NRP1: variants seen among roughly 807,000 people sequenced by gnomAD.
NRP1 encodes the protein neuropilin-1.
NRP1 carries 35 observed loss-of-function variants against 106.7 expected under a neutral mutation model. That is an observed-to-expected ratio of 0.33 (90% confidence interval 0.25 to 0.43). The LOEUF (loss-of-function observed/expected upper bound fraction) is 0.43. NRP1 is among the 20% of genes least tolerant of loss of function. The pLI is 1.00. For synonymous variants in NRP1, 437 were observed against 417.9 expected (o/e 1.05, Z -0.56); for missense variants, 1,024 against 1,170.4 (o/e 0.87, Z 1.83).
Position 33,334,538 on chromosome 10 carries a change from T to C in NRP1, c.-156A>G. 1.6e-6 allele frequency: 1 copy of C among 613,858 alleles called. No homozygotes were observed. Among genetic ancestry groups the C allele is most frequent in the East Asian group, 3.2e-5 (1 of 30,790 alleles). 38.0% of individuals were successfully genotyped at this position (613,858 alleles called of 1,614,324 possible). A position where few individuals can be genotyped will look rare whatever the true frequency, so the allele number is the denominator to read the frequency against. ...TGGAGAAAAGAAAGCAGCGAGGCAA[T>C]GCCTGGATCCGAGAGGAACGCTTCT... On this transcript the variant is annotated 5_prime_UTR_variant, in exon 1 of 17. Transcript: ENST00000374867.
At chr10:33,233,679 TC>T (rs541048805) in intron 6 of NRP1, among the ~76,000 whole-genome samples, 41 of 152,052 alleles carry the variant, frequency 2.7e-4, no homozygotes, top group African/African-American at 9.4e-4. Flanking sequence ...CTTTTAACAC[TC>T]CCAAGGCAGG....
intron 4 of NRP1, 61 bp downstream of exon 4, chr10:33,263,585 A>T: frequency 3.1e-6 from 4 of 1,273,384 alleles, no homozygotes; most frequent in Non-Finnish European, 4.5e-6. Flanking sequence ...GACTTGTAAA[A>T]GAATACTGGT....
In NRP1 at chr10:33,186,302, T is replaced by G. The variant is rs374865894; in HGVS notation, c.2249A>C (p.Gln750Pro). 2 of 1,614,166 alleles carry G rather than the reference T, an allele frequency of 1.2e-6. No homozygotes were observed. Among genetic ancestry groups the G allele is most frequent in the Non-Finnish European group, 1.7e-6 (2 of 1,180,026 alleles). ...LRYQKPEEYD[Q>P]LVWMAIGHQG... ...GTGTCCAATGGCCATCCAGACCAGC[T>G]GATCGTACTCCTCTGGCTTCTGGTA... is the stretch of plus-strand genomic sequence containing the variant. The change falls in exon 14 of 17, where the codon CAG becomes CCG. Residue 750 changes from glutamine (Q) to proline (P), a missense_variant. Physicochemically the swap from Gln to Pro is moderately conservative, Grantham distance 76 (BLOSUM62 -1). Around this residue, in one of 5 missense-constraint regions of NRP1, gnomAD observed 562 missense variants for 620.3 expected, o/e 0.91. Transcript: ENST00000374867.
chr10:33,209,743 C>T (rs1246718982), intron 9 of NRP1, among the ~76,000 whole-genome samples: 1 of 152,242 alleles, frequency 6.6e-6, no homozygotes, highest in Admixed American at 6.5e-5. Context: ...TCCTGAAGTG[C>T]TGGGATTATA....
rs185180721 is a variant in NRP1, at chr10:33,240,070, G to C, written c.982-13781C>G. ...ACTTCAGGCCTTTTGCAATCTGTGC[G>C]TTTCTTTGTCTCATGGTCTCTGAGA... is the stretch of plus-strand genomic sequence containing the variant. On this transcript the variant is annotated intron_variant, in intron 6 of 16. Transcript: ENST00000374867. Among the ~76,000 whole-genome samples the C allele has an allele frequency of 1.1e-3, 162 of 152,256 alleles. 1 individual carries two copies. Among genetic ancestry groups the C allele is most frequent in the African/African-American group, 3.7e-3 (155 of 41,542 alleles).
chr10:33,202,580 GA>G (rs1564376034), intron 11 of NRP1: 2 of 879,904 alleles, frequency 2.3e-6, no homozygotes, highest in African/African-American at 1.8e-5. Flanking sequence ...GGGGGGGTCT[GA>G]AAATAATGAA....
intron 4 of NRP1, among the ~76,000 whole-genome samples, chr10:33,258,366 G>C (rs1295899780): frequency 1.3e-5 from 2 of 152,232 alleles, no homozygotes; most frequent in Admixed American, 1.3e-4. Context: ...ATAATTTTTC[G>C]ATGTGTTGAA....
chr10:33,224,692 A>G (rs1277391715), intron 7 of NRP1, among the ~76,000 whole-genome samples: 4 of 151,574 alleles, frequency 2.6e-5, no homozygotes, highest in African/African-American at 9.7e-5. Context: ...TCCATTAGCT[A>G]TTTTTCCTGA....
At chr10:33,261,582 A>G (rs1842577149) in intron 4 of NRP1, among the ~76,000 whole-genome samples, 1 of 152,162 alleles carries the variant, frequency 6.6e-6, no homozygotes, top group Admixed American at 6.5e-5. Flanking sequence ...AAGATATTAA[A>G]CTAATGTTAA....
At chr10:33,277,083 T>A (rs1352002837) in intron 2 of NRP1, among the ~76,000 whole-genome samples, 1 of 145,860 alleles carries the variant, frequency 6.9e-6, no homozygotes, top group African/African-American at 2.6e-5. Flanking sequence ...CCAGCCTGGG[T>A]AACAGATCAA....
Position 33,207,685 on chromosome 10 carries a change from G to A in NRP1, c.1646C>T (p.Pro549Leu). The change falls in exon 10 of 17, where the codon CCT becomes CTT. Residue 549 changes from proline (P) to leucine (L), a missense_variant. Transcript: ENST00000374867. Reference sequence around the variant, plus strand: ...GAGAGCTGGAAAAGTCCGCAGCTCAGGTGTATCATAGTTGTTGTTGCCCTC... The same window carrying A: ...GAGAGCTGGAAAAGTCCGCAGCTCAAGTGTATCATAGTTGTTGTTGCCCTC... The part of the protein sequence containing the change: ...SFEGNNNYDT[P>L]ELRTFPALST... 1 of 1,614,046 alleles carries A rather than the reference G, an allele frequency of 6.2e-7. No homozygotes were observed. Among genetic ancestry groups the A allele is most frequent in the Non-Finnish European group, 8.5e-7 (1 of 1,179,994 alleles).
intron 3 of NRP1, among the ~76,000 whole-genome samples, chr10:33,270,325 TA>T (rs1214590927): frequency 1.5e-5 from 2 of 134,312 alleles, no homozygotes; most frequent in African/African-American, 6.2e-5. Flanking sequence ...CAATGTTAAA[TA>T]AATTTTTTTT....
chr10:33,228,399 AAAAC>A (rs1455697066), intron 6 of NRP1, among the ~76,000 whole-genome samples: 2 of 152,160 alleles, frequency 1.3e-5, no homozygotes, highest in Non-Finnish European at 2.9e-5. Context: ...AAAATAAAAT[AAAAC>A]AAAACAAATA....
At chr10:33,314,864 A>C (rs1209497037) in intron 2 of NRP1, among the ~76,000 whole-genome samples, 1 of 152,228 alleles carries the variant, frequency 6.6e-6, no homozygotes, top group Non-Finnish European at 1.5e-5. Context: ...TTCTCTAATG[A>C]AGAAATTCAC....
intron 2 of NRP1, among the ~76,000 whole-genome samples, chr10:33,328,729 G>C (rs1848066472): frequency 1.3e-5 from 2 of 152,158 alleles, no homozygotes; most frequent in South Asian, 2.1e-4. Flanking sequence ...GCTATGATGA[G>C]AGTATTTACA....
In NRP1 at chr10:33,245,212, G is replaced by A. The variant is rs1841327089; in HGVS notation, c.981+8816C>T. ...AAAAGGCTGATTATATGAAAAAAAT[G>A]AATTTTAGGATCTTTTACGCCAGCG... On this transcript the variant is annotated intron_variant, in intron 6 of 16. Coordinates refer to ENST00000374867, the MANE Select transcript of NRP1 (RefSeq NM_003873.7). Among the ~76,000 whole-genome samples the A allele has an allele frequency of 3.3e-5, 5 of 152,144 alleles. No homozygotes were observed. In the South Asian group the frequency reaches 1.0e-3, roughly 31 times the overall value.
At chr10:33,275,418 A>T (rs1305484284) in intron 2 of NRP1, among the ~76,000 whole-genome samples, 1 of 152,118 alleles carries the variant, frequency 6.6e-6, no homozygotes, top group Non-Finnish European at 1.5e-5. Flanking sequence ...AATACAAAAA[A>T]TTAGCCGGGC....
intron 2 of NRP1, among the ~76,000 whole-genome samples, chr10:33,282,755 T>C (rs966225447): frequency 2.6e-5 from 4 of 152,190 alleles, no homozygotes; most frequent in Non-Finnish European, 2.9e-5. Flanking sequence ...CTTTTCTTTT[T>C]TTTTTTTGAA....
chr10:33,252,211 G>A (rs1321279188), intron 6 of NRP1, among the ~76,000 whole-genome samples: 2 of 152,132 alleles, frequency 1.3e-5, no homozygotes, highest in African/African-American at 4.8e-5. Context: ...AGCTGTTGGA[G>A]AAGAGTCCAG....
Sources: gnomAD v4.1 joint callset for allele counts (sites outside exome capture counted in the v4.1 genomes callset) on GRCh38, gnomAD v4.1.1 for gene constraint, gnomAD v4.1.1 regional missense constraint, MANE v1.5 for transcripts, NCBI Gene and HGNC (gene_info 2026-07-23, HGNC 2026-07-21) for gene names.